DGKB: variants seen among roughly 807,000 people sequenced by gnomAD.
DGKB encodes the protein diacylglycerol kinase beta.
In DGKB, 67 loss-of-function variants were observed where a neutral mutation model predicts 114.3. The ratio of observed to expected loss-of-function variants is 0.59; its 90% confidence interval spans 0.48 to 0.72. DGKB has a LOEUF of 0.72. Ranked by LOEUF, DGKB falls within the 30% of genes least tolerant of loss-of-function variation. The pLI, the probability that DGKB is intolerant of heterozygous loss-of-function variation, is 0.00. For missense variants in DGKB, 907 were observed against 975.2 expected (o/e 0.93, Z 0.93); for synonymous variants, 398 against 323.1 (o/e 1.23, Z -2.49).
intron 23 of DGKB, among the ~76,000 whole-genome samples, chr7:14,259,633 C>T (rs1191282241): frequency 1.3e-5 from 2 of 152,054 alleles, no homozygotes; most frequent in East Asian, 3.9e-4. Flanking sequence ...GCCATGTTGG[C>T]CAGGATGGTC....
At chr7:14,580,599 C>T (rs185911167) in intron 19 of DGKB, among the ~76,000 whole-genome samples, 1 of 152,098 alleles carries the variant, frequency 6.6e-6, no homozygotes, top group East Asian at 1.9e-4. Flanking sequence ...AATCAAAAAC[C>T]AAAACCAGAG....
intron 20 of DGKB, among the ~76,000 whole-genome samples, chr7:14,498,374 C>T (rs1584400299): frequency 6.6e-6 from 1 of 151,664 alleles, no homozygotes; most frequent in African/African-American, 2.4e-5. Context: ...AAGTATTATA[C>T]AATCATAATG....
At chr7:14,776,092 T>A (rs1473536899) in intron 2 of DGKB, among the ~76,000 whole-genome samples, 2 of 152,186 alleles carry the variant, frequency 1.3e-5, no homozygotes, top group South Asian at 4.2e-4. Flanking sequence ...GAGCAAAGAT[T>A]ACTCTTGCTA....
At chr7:14,495,983 T>C (rs16878192) in intron 20 of DGKB, among the ~76,000 whole-genome samples, 12,507 of 151,862 alleles carry the variant, frequency 0.082, 931 homozygotes, top group East Asian at 0.44. Context: ...TTAAAAATTA[T>C]TGGAGGCTTC....
intron 13 of DGKB, among the ~76,000 whole-genome samples, chr7:14,654,751 C>A (rs1207694469): frequency 6.6e-6 from 1 of 151,910 alleles, no homozygotes; most frequent in East Asian, 1.9e-4. Context: ...TCACTTTTGA[C>A]ATAGGCTCTA....
intron 1 of DGKB, among the ~76,000 whole-genome samples, chr7:14,920,402 ACAT>A (rs1784455579): frequency 6.6e-6 from 1 of 152,202 alleles, no homozygotes; most frequent in Admixed American, 6.5e-5. Context: ...AATATATAAA[ACAT>A]CATATGTTAT....
intron 21 of DGKB, among the ~76,000 whole-genome samples, chr7:14,381,096 G>A (rs1368450621): frequency 6.6e-6 from 1 of 152,194 alleles, no homozygotes; most frequent in Non-Finnish European, 1.5e-5. Flanking sequence ...AAGGCCATTG[G>A]CTGAGAGCTC....
At chr7:14,970,792 C>A (rs962653842) in intron 1 of DGKB, among the ~76,000 whole-genome samples, 1 of 152,052 alleles carries the variant, frequency 6.6e-6, no homozygotes, top group Non-Finnish European at 1.5e-5. Context: ...GCGTAGTATT[C>A]TTTGAATCTC....
At chr7:14,647,832 G>C (rs140929726) in intron 13 of DGKB, among the ~76,000 whole-genome samples, 2,086 of 152,340 alleles carry the variant, frequency 0.014, 22 homozygotes, top group Admixed American at 0.021. Flanking sequence ...CCTCACTTGG[G>C]AAGCGCAAGG....
chr7:14,737,354 G>T (rs143630414), intron 4 of DGKB, among the ~76,000 whole-genome samples: 1 of 145,224 alleles, frequency 6.9e-6, no homozygotes, highest in African/African-American at 2.6e-5. Context: ...AATTTGGCTG[G>T]CTGATGCTCT....
intron 21 of DGKB, among the ~76,000 whole-genome samples, chr7:14,390,225 C>T (rs536658355): frequency 6.6e-4 from 100 of 152,244 alleles, no homozygotes; most frequent in African/African-American, 2.3e-3. Flanking sequence ...TTTAAATACT[C>T]CTGTGATTCT....
At chr7:14,710,267 T>A (rs1444208087) in intron 6 of DGKB, among the ~76,000 whole-genome samples, 2 of 152,122 alleles carry the variant, frequency 1.3e-5, no homozygotes, top group Non-Finnish European at 2.9e-5. Context: ...ATTTAAAAAT[T>A]TTGATTTGAT....
chr7:14,936,126 G>C lies in DGKB; in HGVS notation c.-188+38570C>G, dbSNP rs537732507. Among the ~76,000 whole-genome samples the C allele has an allele frequency of 3.9e-5, 6 of 152,206 alleles. No homozygotes were observed. The South Asian group carries it at 1.2e-3, about 32-fold the overall frequency. ...AGGAGCCTCTGTAGGTTTTTAACAT[G>C]GTTTATATAGGTAAACTCTAATGTA... On this transcript the variant is annotated intron_variant, in intron 1 of 4. Transcript: ENST00000437998.
At chr7:14,563,053 G>T in intron 20 of DGKB, among the ~76,000 whole-genome samples, 1 of 152,136 alleles carries the variant, frequency 6.6e-6, no homozygotes, top group East Asian at 1.9e-4. Flanking sequence ...TGCTGTTCTT[G>T]TGATAGTGAA....
At chr7:14,946,086 T>G in intron 1 of DGKB, among the ~76,000 whole-genome samples, 1 of 151,604 alleles carries the variant, frequency 6.6e-6, no homozygotes, top group East Asian at 1.9e-4. Context: ...ATTATTAATA[T>G]ATGGGTATTC....
At chr7:14,510,281 G>A (rs549468363) in intron 20 of DGKB, among the ~76,000 whole-genome samples, 18 of 152,062 alleles carry the variant, frequency 1.2e-4, no homozygotes, top group African/African-American at 3.9e-4. Flanking sequence ...TTCAAAACTG[G>A]GGTCAGTCTT....
At chr7:14,915,031 G>T (rs763462246) in intron 1 of DGKB, among the ~76,000 whole-genome samples, 2 of 152,016 alleles carry the variant, frequency 1.3e-5, no homozygotes, top group Non-Finnish European at 2.9e-5. Context: ...AGAATTATGG[G>T]ACAATTACAA....
intron 17 of DGKB, among the ~76,000 whole-genome samples, chr7:14,594,869 T>G (rs981869955): frequency 6.2e-4 from 94 of 152,086 alleles, no homozygotes; most frequent in African/African-American, 2.1e-3. Flanking sequence ...ATAAATGAAA[T>G]GGCACCTGTA....
chr7:14,729,247 C>A (rs889549627), intron 5 of DGKB, among the ~76,000 whole-genome samples: 1 of 150,146 alleles, frequency 6.7e-6, no homozygotes, highest in Admixed American at 6.6e-5. Context: ...CTCAGCCTCC[C>A]GAGTAGCTGG....
Sources: allele counts gnomAD v4.1 joint callset (sites outside exome capture counted in the v4.1 genomes callset), GRCh38; gene constraint gnomAD v4.1.1; transcripts MANE v1.5; gene names NCBI Gene and HGNC (gene_info 2026-07-23, HGNC 2026-07-21).